OXR1: variants seen among roughly 807,000 people sequenced by gnomAD.
OXR1 encodes oxidation resistance 1.
In OXR1, 41 loss-of-function variants were observed where a neutral mutation model predicts 104.6. The ratio of observed to expected loss-of-function variants is 0.39; its 90% confidence interval spans 0.31 to 0.51. OXR1 has a LOEUF of 0.51. Ranked by LOEUF, OXR1 falls within the 20% of genes least tolerant of loss-of-function variation. The probability of loss-of-function intolerance (pLI) is 0.77; values close to 1 mark genes in which losing one functional copy is unlikely to be tolerated. For synonymous variants in OXR1, 348 were observed against 348.4 expected (o/e 1.00, Z 0.01); for missense variants, 955 against 1,031.9 (o/e 0.93, Z 1.02).
intron 3 of OXR1, among the ~76,000 whole-genome samples, chr8:106,641,707 G>C (rs1232106262): frequency 2.0e-5 from 3 of 152,112 alleles, no homozygotes; most frequent in African/African-American, 7.2e-5. Flanking sequence ...TGTTTTCTGA[G>C]CTTAGTTCTT....
At chr8:106,278,020 G>A (rs1042538919) in intron 1 of OXR1, among the ~76,000 whole-genome samples, 1 of 152,100 alleles carries the variant, frequency 6.6e-6, no homozygotes, top group Non-Finnish European at 1.5e-5. Context: ...TTACTGTTTG[G>A]CCCCAAAGAA....
At chr8:106,282,904 T>C (rs928574831) in intron 1 of OXR1, among the ~76,000 whole-genome samples, 1 of 152,236 alleles carries the variant, frequency 6.6e-6, no homozygotes, top group Non-Finnish European at 1.5e-5. Context: ...TAACTGTTTC[T>C]CATTGCATTT....
At chr8:106,601,535 AC>A (rs903269774) in intron 3 of OXR1, among the ~76,000 whole-genome samples, 3 of 151,856 alleles carry the variant, frequency 2.0e-5, no homozygotes, top group African/African-American at 4.8e-5. Context: ...CATGGGTTCC[AC>A]CCCCATTTCC....
At chr8:106,369,661 C>T (rs181746046) in intron 2 of OXR1, among the ~76,000 whole-genome samples, 54 of 152,286 alleles carry the variant, frequency 3.5e-4, no homozygotes, top group African/African-American at 1.3e-3. Flanking sequence ...GAGATCCTTT[C>T]CCCATTGCTT....
rs1816149367 is a variant in OXR1, at chr8:106,359,518, C to T, written c.-96C>T. 3 of 887,108 alleles carry T rather than the reference C, an allele frequency of 3.4e-6. No individual in the cohort carries two copies. The African/African-American group carries it at 5.0e-5, about 15-fold the overall frequency. 55.0% of individuals were successfully genotyped at this position (887,108 alleles called of 1,614,324 possible). ...GTAACTAAGTGGTTTGTGCATCATT[C>T]CAGAAGCAAAGCTAAAATTTTTAGC... On this transcript the variant is annotated 5_prime_UTR_variant, in exon 2 of 17. Transcript: ENST00000517566.
chr8:106,373,422 A>AAC (rs1162931463), intron 2 of OXR1, among the ~76,000 whole-genome samples: 3 of 152,212 alleles, frequency 2.0e-5, no homozygotes, highest in Non-Finnish European at 4.4e-5. Context: ...AATCAGGTAT[A>AAC]ACACAGTACC....
chr8:106,273,719 G>A (rs576066577), intron 1 of OXR1, among the ~76,000 whole-genome samples: 50 of 152,222 alleles, frequency 3.3e-4, no homozygotes, highest in African/African-American at 1.1e-3. Flanking sequence ...TTGCAAAATG[G>A]TCCATATTCA....
intron 2 of OXR1, among the ~76,000 whole-genome samples, chr8:106,376,411 G>A (rs1048798126): frequency 6.6e-6 from 1 of 152,230 alleles, no homozygotes; most frequent in South Asian, 2.1e-4. Context: ...TTTGTAGAAC[G>A]AAGCTGTGAA....
At chr8:106,304,186 T>A (rs144038555) in intron 1 of OXR1, among the ~76,000 whole-genome samples, 1 of 152,190 alleles carries the variant, frequency 6.6e-6, no homozygotes, top group Admixed American at 6.5e-5. Context: ...TCTTGACTCA[T>A]CACCTCAAAT....
intron 2 of OXR1, among the ~76,000 whole-genome samples, chr8:106,415,528 C>T (rs1818637331): frequency 6.6e-6 from 1 of 150,584 alleles, no homozygotes; most frequent in African/African-American, 2.4e-5. Flanking sequence ...TGTGTGTGTA[C>T]TCACCTACAT....
chr8:106,636,630 C>G (rs754683934), intron 3 of OXR1, among the ~76,000 whole-genome samples: 5 of 152,178 alleles, frequency 3.3e-5, no homozygotes, highest in Non-Finnish European at 5.9e-5. Context: ...ATTTAAAATA[C>G]AAATAGTTTC....
chr8:106,390,844 A>G (rs997000413), intron 2 of OXR1, among the ~76,000 whole-genome samples: 2 of 152,142 alleles, frequency 1.3e-5, no homozygotes, highest in Non-Finnish European at 2.9e-5. Context: ...AGACTCTCCA[A>G]TATAGTTTGG....
chr8:106,560,277 G>A (rs1816583317), intron 3 of OXR1, among the ~76,000 whole-genome samples: 1 of 152,220 alleles, frequency 6.6e-6, no homozygotes, highest in Admixed American at 6.5e-5. Flanking sequence ...GAGAGGTACT[G>A]CAGCTTGCTA....
intron 2 of OXR1, among the ~76,000 whole-genome samples, chr8:106,455,140 T>G (rs530807148): frequency 2.4e-3 from 366 of 152,336 alleles, no homozygotes; most frequent in African/African-American, 8.3e-3. Context: ...TCTGTTACTA[T>G]TGCTTTTATA....
intron 2 of OXR1, among the ~76,000 whole-genome samples, chr8:106,406,120 G>T (rs374781825): frequency 6.6e-6 from 1 of 152,026 alleles, no homozygotes; most frequent in African/African-American, 2.4e-5. Flanking sequence ...ATCTTACCCC[G>T]ACCTAATCTT....
At chr8:106,659,292 G>A (rs1290197573) in intron 3 of OXR1, among the ~76,000 whole-genome samples, 3 of 152,124 alleles carry the variant, frequency 2.0e-5, no homozygotes, top group Non-Finnish European at 1.5e-5. Context: ...AAACAGTGAG[G>A]ACATTTTTGA....
At position 106,393,718 on chromosome 8, in the gene OXR1, A is replaced by G. The variant is rs138407330; in HGVS notation, c.23+34082A>G. Reference sequence around the variant, plus strand: ...GTAAGGAGTACTTTATAGTTTAAGAATATAGGAATTTCAAAAATGTAACTT... The same window carrying G: ...GTAAGGAGTACTTTATAGTTTAAGAGTATAGGAATTTCAAAAATGTAACTT... On this transcript the variant is annotated intron_variant, in intron 2 of 16. Transcript: ENST00000517566. Among the ~76,000 whole-genome samples, 208 of 152,186 alleles carry G rather than the reference A, an allele frequency of 1.4e-3. 1 individual carries two copies. Among genetic ancestry groups the G allele is most frequent in the African/African-American group, 4.5e-3 (188 of 41,566 alleles).
chr8:106,486,974 A>T (rs1235494307), intron 2 of OXR1, among the ~76,000 whole-genome samples: 1 of 151,968 alleles, frequency 6.6e-6, no homozygotes, highest in Non-Finnish European at 1.5e-5. Flanking sequence ...AATAGTGGGT[A>T]AATATCCCAA....
intron 2 of OXR1, among the ~76,000 whole-genome samples, chr8:106,368,460 T>C (rs1160871961): frequency 6.6e-6 from 1 of 152,136 alleles, no homozygotes; most frequent in Non-Finnish European, 1.5e-5. Flanking sequence ...ATGGGATATA[T>C]GTGCACAGTT....
Sources: gnomAD v4.1 joint callset for allele counts (sites outside exome capture counted in the v4.1 genomes callset) on GRCh38, gnomAD v4.1.1 for gene constraint, MANE v1.5 for transcripts, NCBI Gene and HGNC (gene_info 2026-07-23, HGNC 2026-07-21) for gene names.